Variants in FRMD4A observed in about 807,000 individuals in gnomAD.
The protein encoded by FRMD4A is FERM domain-containing protein 4A.
A neutral mutation model predicts 129.1 loss-of-function variants in FRMD4A; 29 were observed. The observed-to-expected ratio is 0.22, with a 90% CI of 0.17 to 0.31. FRMD4A has a LOEUF of 0.31. Ranked by LOEUF, FRMD4A falls within the 10% of genes least tolerant of loss-of-function variation. FRMD4A has a pLI of 1.00. For synonymous variants in FRMD4A, 634 were observed against 571.6 expected (o/e 1.11, Z -1.56); for missense variants, 1,272 against 1,375.8 (o/e 0.92, Z 1.19).
intron 2 of FRMD4A, among the ~76,000 whole-genome samples, chr10:14,161,369 C>T (rs910006577): frequency 6.6e-6 from 1 of 152,188 alleles, no homozygotes; most frequent in Non-Finnish European, 1.5e-5. Flanking sequence ...ACCTGCACCC[C>T]CATGTTTTTT....
At chr10:14,002,416 G>A (rs939068835) in intron 2 of FRMD4A, among the ~76,000 whole-genome samples, 1 of 152,206 alleles carries the variant, frequency 6.6e-6, no homozygotes, top group Non-Finnish European at 1.5e-5. Flanking sequence ...ACACGTAAGA[G>A]TGAACACATT....
intron 3 of FRMD4A, among the ~76,000 whole-genome samples, chr10:13,836,875 A>G (rs1002669745): frequency 6.7e-6 from 1 of 149,696 alleles, no homozygotes; most frequent in African/African-American, 2.5e-5. Context: ...CTCCTGCCTC[A>G]GCCTCCCCAG....
chr10:14,145,277 C>G (rs1476547444), intron 2 of FRMD4A, among the ~76,000 whole-genome samples: 1 of 152,210 alleles, frequency 6.6e-6, no homozygotes, highest in Non-Finnish European at 1.5e-5. Flanking sequence ...GGAAGAGTCA[C>G]TTAATTAACC....
At chr10:13,775,504 C>A (rs1001505699) in intron 6 of FRMD4A, among the ~76,000 whole-genome samples, 1 of 152,088 alleles carries the variant, frequency 6.6e-6, no homozygotes, top group Non-Finnish European at 1.5e-5. Flanking sequence ...TTCAGATATG[C>A]CAGTATCCAA....
chr10:13,909,738 A>G (rs1442964554), intron 2 of FRMD4A, among the ~76,000 whole-genome samples: 1 of 152,230 alleles, frequency 6.6e-6, no homozygotes, highest in Non-Finnish European at 1.5e-5. Context: ...AAACCATTTT[A>G]TTTATTTTGC....
intron 2 of FRMD4A, among the ~76,000 whole-genome samples, chr10:14,238,451 TC>T (rs1843911015): frequency 6.6e-6 from 1 of 152,328 alleles, no homozygotes; most frequent in South Asian, 2.1e-4. Context: ...CTCCAAAGGA[TC>T]TTTTAACATA....
chr10:13,770,074 A>G (rs1320093617), intron 6 of FRMD4A, among the ~76,000 whole-genome samples: 1 of 152,162 alleles, frequency 6.6e-6, no homozygotes, highest in Non-Finnish European at 1.5e-5. Flanking sequence ...AATACACCGT[A>G]TATCATTAAA....
rs114684647 is a variant in FRMD4A at position 13,936,347 on chromosome 10, C to T, written c.46-77435G>A. 5.3e-3 allele frequency among the ~76,000 whole-genome samples: 802 copies of T among 152,290 alleles called. 7 individuals are homozygous for T. Among genetic ancestry groups the T allele is most frequent in the African/African-American group, 0.019 (776 of 41,556 alleles). On this transcript the variant is annotated intron_variant, in intron 2 of 24. Transcript: ENST00000357447. ...GTCCCAGTTCTGCCACCAAACTCTT[C>T]GGACCAGTCTCCTATTCATCTTGGG...
At chr10:13,689,381 T>C (rs61833214) in intron 15 of FRMD4A, among the ~76,000 whole-genome samples, 2 of 151,824 alleles carry the variant, frequency 1.3e-5, no homozygotes, top group Non-Finnish European at 2.9e-5. Flanking sequence ...GATGACAAGA[T>C]GGATACTACT....
At chr10:14,318,474 C>G (rs1382615885) in intron 2 of FRMD4A, among the ~76,000 whole-genome samples, 3 of 152,132 alleles carry the variant, frequency 2.0e-5, no homozygotes, top group Non-Finnish European at 4.4e-5. Context: ...TCAGAGGTCA[C>G]AGAGCAGGCT....
chr10:13,895,378 C>T (rs1272854357), intron 2 of FRMD4A, among the ~76,000 whole-genome samples: 1 of 152,122 alleles, frequency 6.6e-6, no homozygotes, highest in Non-Finnish European at 1.5e-5. Context: ...GGATAATGGC[C>T]TACAGCTCCA....
chr10:14,286,767 A>G (rs1489750824), intron 2 of FRMD4A, among the ~76,000 whole-genome samples: 2 of 152,106 alleles, frequency 1.3e-5, no homozygotes, highest in African/African-American at 4.8e-5. Context: ...AAGCCTAAAC[A>G]AATCCACCCT....
chr10:14,215,455 C>A (rs943273129), intron 2 of FRMD4A, among the ~76,000 whole-genome samples: 4 of 152,114 alleles, frequency 2.6e-5, no homozygotes, highest in African/African-American at 9.7e-5. Context: ...CTAATCTTTG[C>A]CAAATCATTC....
chr10:14,127,126 G>A (rs2131820264), intron 2 of FRMD4A, among the ~76,000 whole-genome samples: 1 of 152,328 alleles, frequency 6.6e-6, no homozygotes, highest in South Asian at 2.1e-4. Context: ...CTGACCACAG[G>A]AGGGAGGCAG....
chr10:13,942,303 G>T (rs572412450), intron 2 of FRMD4A, among the ~76,000 whole-genome samples: 90 of 152,280 alleles, frequency 5.9e-4, no homozygotes, highest in African/African-American at 2.0e-3. Context: ...GCAATGATGG[G>T]CCCCTCCCTG....
chr10:13,893,625 G>C (rs1430710894), intron 2 of FRMD4A, among the ~76,000 whole-genome samples: 1 of 152,012 alleles, frequency 6.6e-6, no homozygotes, highest in Non-Finnish European at 1.5e-5. Context: ...GGGTTCAAGC[G>C]ATTCTTCTGC....
At chr10:14,275,913 C>T (rs574608246) in intron 2 of FRMD4A, among the ~76,000 whole-genome samples, 22 of 152,146 alleles carry the variant, frequency 1.4e-4, no homozygotes, top group Non-Finnish European at 2.1e-4. Context: ...GTGATGCATG[C>T]CTGCAGTCTC....
intron 2 of FRMD4A, among the ~76,000 whole-genome samples, chr10:14,009,081 C>T (rs1040979013): frequency 6.6e-6 from 1 of 152,212 alleles, no homozygotes; most frequent in African/African-American, 2.4e-5. Flanking sequence ...TGTGTCGAAG[C>T]AGATTCATCC....
chr10:13,836,100 G>A (rs962123719), intron 3 of FRMD4A, among the ~76,000 whole-genome samples: 6 of 152,066 alleles, frequency 3.9e-5, no homozygotes, highest in African/African-American at 1.4e-4. Context: ...CGGGTTCAAG[G>A]GATTCTCCTG....
Sources: allele counts gnomAD v4.1 joint callset (sites outside exome capture counted in the v4.1 genomes callset), GRCh38; gene constraint gnomAD v4.1.1; transcripts MANE v1.5; gene names NCBI Gene and HGNC (gene_info 2026-07-23, HGNC 2026-07-21).